The following NOL11 variants were observed in gnomAD, a reference collection of about 807,000 sequenced individuals.
The protein encoded by NOL11 is nucleolar protein 11.
In NOL11, 42 loss-of-function variants were observed where a neutral mutation model predicts 93.0. The observed-to-expected ratio is 0.45, with a 90% CI of 0.35 to 0.58. The LOEUF is 0.58. NOL11 is among the 20% of genes least tolerant of loss of function. The pLI, the probability that NOL11 is intolerant of heterozygous loss-of-function variation, is 0.00. For missense variants in NOL11, 775 were observed against 841.8 expected (o/e 0.92, Z 0.98); for synonymous variants, 296 against 293.7 (o/e 1.01, Z -0.08).
chr17:67,722,742 T>C, intron 5 of NOL11, 105 bp downstream of exon 5: 2 of 1,393,794 alleles, frequency 1.4e-6, no homozygotes, highest in Non-Finnish European at 1.9e-6. Context: ...TTGAGAGCAG[T>C]GGTGCCACGA....
At chr17:67,737,764 T>C (rs1371332118) in intron 12 of NOL11, 72 bp downstream of exon 12, 1 of 1,581,778 alleles carries the variant, frequency 6.3e-7, no homozygotes, top group Admixed American at 1.9e-5. Flanking sequence ...TCTAATCTTC[T>C]GAAACTCTCA....
chr17:67,726,188 A>G (rs1798372831), intron 6 of NOL11, among the ~76,000 whole-genome samples: 1 of 152,216 alleles, frequency 6.6e-6, no homozygotes, highest in African/African-American at 2.4e-5. Context: ...TATTCTTGGG[A>G]GTCCCCCTCA....
intron 9 of NOL11, chr17:67,736,457 G>A (rs2055203177): frequency 9.5e-6 from 5 of 524,000 alleles, no homozygotes; most frequent in South Asian, 8.5e-5. Context: ...CTTGTTTACC[G>A]ATGGCCTCAT....
chr17:67,728,580 A>C (rs533790489), intron 7 of NOL11, among the ~76,000 whole-genome samples: 1 of 152,026 alleles, frequency 6.6e-6, no homozygotes, highest in Non-Finnish European at 1.5e-5. Flanking sequence ...TCCCTGCCAA[A>C]AAAACCCGGT....
intron 1 of NOL11, among the ~76,000 whole-genome samples, chr17:67,718,824 C>G (rs2043195224): frequency 6.6e-6 from 1 of 152,166 alleles, no homozygotes; most frequent in Non-Finnish European, 1.5e-5. Context: ...GCTAACAGCT[C>G]CCTGTGCCGT....
intron 3 of NOL11, chr17:67,720,428 A>C (rs2043210044): frequency 6.6e-6 from 1 of 151,836 alleles, no homozygotes; most frequent in Admixed American, 6.6e-5. Flanking sequence ...CAGCCTCCCG[A>C]GTAGCTGGGA....
At chr17:67,736,347 T>C (rs1417708858) in intron 9 of NOL11, among the ~76,000 whole-genome samples, 1 of 151,742 alleles carries the variant, frequency 6.6e-6, no homozygotes, top group Non-Finnish European at 1.5e-5. Flanking sequence ...GCAGGTTCTG[T>C]GGCAAGCTGA....
chr17:67,725,085 T>G (rs921468002), intron 6 of NOL11, among the ~76,000 whole-genome samples: 5 of 152,038 alleles, frequency 3.3e-5, no homozygotes, highest in African/African-American at 1.2e-4. Context: ...ACAAAAAAAT[T>G]TACCATAAGC....
In NOL11 at chr17:67,735,875, A is replaced by T. The variant is rs369134718; in HGVS notation, c.931-25A>T. 2.3e-4 allele frequency: 371 copies of T among 1,596,774 alleles called. 1 individual carries two copies. The African/African-American group carries it at 4.8e-3, about 21-fold the overall frequency. ...CCTTAGAAGAGAAAAAAATTTGCTT[A>T]TGTTTTTGATAACTTTTTTTGTAGC... On this transcript the variant is annotated intron_variant, in intron 8 of 17. Transcript: ENST00000253247.
At chr17:67,723,250 G>A (rs1357919707) in intron 5 of NOL11, among the ~76,000 whole-genome samples, 1 of 151,632 alleles carries the variant, frequency 6.6e-6, no homozygotes, top group African/African-American at 2.4e-5. Flanking sequence ...AACCTCAGGT[G>A]ATCCACCCAC....
intron 10 of NOL11, 26 bp downstream of exon 10, chr17:67,736,780 C>G: frequency 6.9e-7 from 1 of 1,458,534 alleles, no homozygotes; most frequent in Non-Finnish European, 9.6e-7. Flanking sequence ...GAAATTGAAA[C>G]ATTAGTGCAA....
At chr17:67,720,017 A>G in intron 3 of NOL11, 55 bp downstream of exon 3, 1 of 1,457,620 alleles carries the variant, frequency 6.9e-7, no homozygotes, top group Non-Finnish European at 9.3e-7. Context: ...AATTAGAATC[A>G]TTCATAATAA....
At chr17:67,738,896 C>T in intron 14 of NOL11, 36 bp from the exon 15 acceptor site, 8 of 1,333,994 alleles carry the variant, frequency 6.0e-6, no homozygotes, top group Non-Finnish European at 8.5e-6. Context: ...AGAATAGCTT[C>T]TATTTGTTGA....
In NOL11 at chr17:67,721,324, T is replaced by C; in HGVS notation, c.313-54T>C. 5 of 1,097,904 alleles carry C rather than the reference T, an allele frequency of 4.6e-6. No individual in the cohort carries two copies. The South Asian group carries it at 7.6e-5, about 17-fold the overall frequency. The allele number at this position is 1,097,904 out of a possible 1,614,324, so 68.0% of individuals were successfully genotyped here. ...AAGAAGCCTTCTCTAAATATCCTTATATTAGGTATAAATTGTTTTAGAATA... is the reference window on the plus strand; with the variant it reads ...AAGAAGCCTTCTCTAAATATCCTTACATTAGGTATAAATTGTTTTAGAATA... On this transcript the variant is annotated intron_variant, in intron 3 of 17. Coordinates refer to ENST00000253247, the MANE Select transcript of NOL11 (RefSeq NM_015462.5).
Position 67,739,464 on chromosome 17 carries a change from T to C in NOL11, c.1843-52T>C, listed in dbSNP as rs942396418. 8 of 1,136,342 alleles carry C rather than the reference T, an allele frequency of 7.0e-6. No individual in the cohort carries two copies. In the African/African-American group the frequency reaches 7.9e-5, roughly 11 times the overall value. The allele number at this position is 1,136,342 out of a possible 1,614,324, so 70.4% of individuals were successfully genotyped here. A position where few individuals can be genotyped will look rare whatever the true frequency, so the allele number is the denominator to read the frequency against. ...CAATCTTCGTGATGGGTTTATATAA[T>C]AGAAATTTTTTCTATCAAAATGATA... On this transcript the variant is annotated intron_variant, in intron 15 of 17. Transcript: ENST00000253247.
chr17:67,718,341 C>G (rs968176331), intron 1 of NOL11, among the ~76,000 whole-genome samples: 1 of 152,148 alleles, frequency 6.6e-6, no homozygotes, highest in Non-Finnish European at 1.5e-5. Context: ...AGAAAGAAAA[C>G]CTGTGCTTTT....
chr17:67,728,931 G>A (rs982916132), intron 7 of NOL11, among the ~76,000 whole-genome samples: 13 of 151,798 alleles, frequency 8.6e-5, no homozygotes, highest in Admixed American at 3.3e-4. Context: ...AAAATTAATC[G>A]TTTTATTTTT....
intron 1 of NOL11, among the ~76,000 whole-genome samples, 173 bp downstream of exon 1, chr17:67,718,261 C>T (rs1354412598): frequency 6.6e-6 from 1 of 152,202 alleles, no homozygotes; most frequent in Non-Finnish European, 1.5e-5. Context: ...GCTTGCTTGC[C>T]TTCCTGTAAA....
chr17:67,722,166 G>A (rs1439707542), intron 4 of NOL11, among the ~76,000 whole-genome samples: 2 of 152,200 alleles, frequency 1.3e-5, no homozygotes, highest in Non-Finnish European at 2.9e-5. Flanking sequence ...GAGGATTTGA[G>A]TTCTAGTTGC....
Sources: allele counts gnomAD v4.1 joint callset (sites outside exome capture counted in the v4.1 genomes callset), GRCh38; gene constraint gnomAD v4.1.1; transcripts MANE v1.5; gene names NCBI Gene and HGNC (gene_info 2026-07-23, HGNC 2026-07-21).